Variants in DHTKD1 observed in about 807,000 individuals in gnomAD.
DHTKD1 encodes dehydrogenase E1 and transketolase domain containing 1.
In DHTKD1, 78 loss-of-function variants were observed where a neutral mutation model predicts 101.8. The observed-to-expected ratio is 0.77, with a 90% CI of 0.64 to 0.93. DHTKD1 has a LOEUF of 0.93. Among genes scored for constraint, DHTKD1 ranks in the 40% least tolerant of loss-of-function variants. The probability of loss-of-function intolerance (pLI) is 0.00; values close to 1 mark genes in which losing one functional copy is unlikely to be tolerated. For synonymous variants in DHTKD1, 462 were observed against 450.3 expected (o/e 1.03, Z -0.33); for missense variants, 1,223 against 1,161.7 (o/e 1.05, Z -0.77).
chr10:12,107,951 T>G lies in DHTKD1; in HGVS notation c.2090T>G (p.Leu697Arg), dbSNP rs772351002. Residue 697 changes from leucine to arginine, a missense_variant, in exon 12 of 17, where the codon CTT becomes CGT. Coordinates refer to ENST00000263035, the MANE Select transcript of DHTKD1 (RefSeq NM_018706.7). This position sits in a 1 kb window ranked among gnomAD's most constrained non-coding sequence, Gnocchi z 4.1. ...CTACAAAGCGGCATCGTCATCCTCC[T>G]TCCACATGGCTACGATGGGGCTGGG... The part of the protein sequence containing the change: ...WLLQSGIVIL[L>R]PHGYDGAGPD... 4 of 1,613,892 alleles carry G rather than the reference T, an allele frequency of 2.5e-6. No homozygotes were observed. The Admixed American group carries it at 6.7e-5, about 27-fold the overall frequency.
Position 12,120,269 on chromosome 10 carries a change from T to TAATC in DHTKD1, c.2658+4_2658+7dup. On this transcript the variant is annotated splice_region_variant and intron_variant, in intron 16 of 16. Transcript: ENST00000263035. ...TTTGAAAAGCAGCTGGCCTGCAAGG[T>TAATC]AATCACACGTTTTCTCTGGTAGTGT... The TAATC allele has an allele frequency of 6.2e-7, 1 of 1,612,448 alleles. No individual in the cohort carries two copies. Among genetic ancestry groups the TAATC allele is most frequent in the East Asian group, 2.2e-5 (1 of 44,856 alleles).
Position 12,120,782 on chromosome 10 carries a change from T to TA in DHTKD1, c.2659-4dup. The stretch of plus-strand genomic sequence containing the variant: ...CATTTTATTTCTTCTCTGCTGCACT[T>TA]ATAGCTCCGTCTGGTGGGCCGGCCC... On this transcript the variant is annotated splice_polypyrimidine_tract_variant and splice_region_variant and intron_variant, in intron 16 of 16. Transcript: ENST00000263035. 2 of 1,613,386 alleles carry TA rather than the reference T, an allele frequency of 1.2e-6. No individual in the cohort carries two copies. Among genetic ancestry groups the TA allele is most frequent in the Non-Finnish European group, 1.7e-6 (2 of 1,179,486 alleles).
intron 1 of DHTKD1, among the ~76,000 whole-genome samples, chr10:12,071,366 G>A (rs1832647764): frequency 6.6e-6 from 1 of 152,186 alleles, no homozygotes; most frequent in African/African-American, 2.4e-5. Flanking sequence ...ATGGAAGTTA[G>A]GAATCGTAGC....
intron 6 of DHTKD1, 98 bp downstream of exon 6, chr10:12,091,782 C>G: frequency 1.1e-6 from 1 of 912,804 alleles, no homozygotes; most frequent in Non-Finnish European, 1.6e-6. Flanking sequence ...ACTGGTTATC[C>G]CTCCTTTCAT....
At chr10:12,074,424 C>T (rs1192084637) in intron 1 of DHTKD1, among the ~76,000 whole-genome samples, 2 of 151,642 alleles carry the variant, frequency 1.3e-5, no homozygotes, top group African/African-American at 2.4e-5. Context: ...GGCACGATCT[C>T]TGCTCACTGC....
At chr10:12,076,713 C>T (rs778791668) in intron 1 of DHTKD1, among the ~76,000 whole-genome samples, 7 of 151,608 alleles carry the variant, frequency 4.6e-5, no homozygotes, top group South Asian at 4.2e-4. Context: ...GGCTGGAGCG[C>T]GGTGACGCGA....
chr10:12,119,611 G>C (rs567247835), intron 15 of DHTKD1, among the ~76,000 whole-genome samples: 1 of 92,634 alleles, frequency 1.1e-5, no homozygotes, highest in Non-Finnish European at 2.1e-5. Context: ...GCGAGACTCC[G>C]TCTCAAAAAA....
chr10:12,072,793 A>G (rs1170221147), intron 1 of DHTKD1, among the ~76,000 whole-genome samples: 4 of 151,172 alleles, frequency 2.6e-5, no homozygotes, highest in African/African-American at 4.9e-5. Context: ...CTGGAGTGCA[A>G]TGGCACGATC....
chr10:12,099,352 G>A (rs1016668283), intron 8 of DHTKD1, among the ~76,000 whole-genome samples: 29 of 152,040 alleles, frequency 1.9e-4, no homozygotes, highest in African/African-American at 6.3e-4. Context: ...CTCCGCAGAG[G>A]TAACCACTAA....
chr10:12,112,835 A>T, intron 12 of DHTKD1, 65 bp from the exon 13 acceptor site: 1 of 1,490,262 alleles, frequency 6.7e-7, no homozygotes, highest in South Asian at 1.3e-5. Flanking sequence ...TGGCCAGCCC[A>T]TTGTCACTAC....
At position 12,081,507 on chromosome 10, in the gene DHTKD1, T is replaced by C. The variant is rs1564389131; in HGVS notation, c.190T>C (p.Cys64Arg). The C allele has an allele frequency of 6.2e-7, 1 of 1,614,140 alleles. No individual in the cohort carries two copies. The highest frequency in any genetic ancestry group is 1.7e-5 in the Admixed American group (1 of 59,998). Residue 64 changes from cysteine (C) to arginine (R), a missense_variant, in exon 2 of 17, where the codon TGT becomes CGT. By Grantham distance (180) the Cys-to-Arg change is radical. Transcript: ENST00000263035. Reference sequence around the variant, plus strand: ...CCTTGCCAGGTTGGTGACAGTATATTGTGAGCATGGTCATAAAGCTGCCAA... The same window carrying C: ...CCTTGCCAGGTTGGTGACAGTATATCGTGAGCATGGTCATAAAGCTGCCAA... ...HGLARLVTVY[C>R]EHGHKAAKIN...
Position 12,103,525 on chromosome 10 carries a change from G to GTGTGTGTGTA in DHTKD1, c.1896+2347_1896+2348insGTGTGTATGT, listed in dbSNP as rs1554793234. Among the ~76,000 whole-genome samples the GTGTGTGTGTA allele has an allele frequency of 3.9e-5, 5 of 127,710 alleles. No individual in the cohort carries two copies. Among genetic ancestry groups the GTGTGTGTGTA allele is most frequent in the Admixed American group, 8.2e-5 (1 of 12,262 alleles). 83.8% of individuals were successfully genotyped at this position (127,710 alleles called of 152,430 possible). Reference sequence around the variant, plus strand: ...TGTGTGTGTGTGTGTGTGTGTGTGTGTGTATGTATGTGACAGGTCCTCCTC... The same window carrying GTGTGTGTGTA: ...TGTGTGTGTGTGTGTGTGTGTGTGTGTGTGTGTGTATGTATGTATGTGACAGGTCCTCCTC... On this transcript the variant is annotated intron_variant, in intron 10 of 16. Coordinates refer to ENST00000263035, the MANE Select transcript of DHTKD1 (RefSeq NM_018706.7). This position sits in a 1 kb window ranked among gnomAD's most constrained non-coding sequence, Gnocchi z 4.8.
chr10:12,073,994 T>C (rs1460634150), intron 1 of DHTKD1, among the ~76,000 whole-genome samples: 1 of 152,212 alleles, frequency 6.6e-6, no homozygotes, highest in Non-Finnish European at 1.5e-5. Flanking sequence ...GTGTATCTGC[T>C]GTTGTTTTCT....
chr10:12,105,208 A>G (rs1225161291), intron 10 of DHTKD1, among the ~76,000 whole-genome samples: 1 of 152,096 alleles, frequency 6.6e-6, no homozygotes, highest in Non-Finnish European at 1.5e-5. Context: ...TTTTAATGTT[A>G]ACATATCATG....
In DHTKD1 at chr10:12,120,784, T is replaced by C. The variant is rs367606155; in HGVS notation, c.2659-3T>C. 34 of 1,613,548 alleles carry C rather than the reference T, an allele frequency of 2.1e-5. No individual in the cohort carries two copies. The highest frequency in any genetic ancestry group is 8.9e-5 in the East Asian group (4 of 44,866). Reference sequence around the variant, plus strand: ...TTTTATTTCTTCTCTGCTGCACTTATAGCTCCGTCTGGTGGGCCGGCCCCC... The same window carrying C: ...TTTTATTTCTTCTCTGCTGCACTTACAGCTCCGTCTGGTGGGCCGGCCCCC... On this transcript the variant is annotated splice_polypyrimidine_tract_variant and splice_region_variant and intron_variant, in intron 16 of 16. Coordinates refer to ENST00000263035, the MANE Select transcript of DHTKD1 (RefSeq NM_018706.7).
rs2131620813 is a variant in DHTKD1, at chr10:12,107,833, T to C, written c.2048-76T>C. On this transcript the variant is annotated intron_variant, in intron 11 of 16. Transcript: ENST00000263035. The surrounding 1 kb of genome is among the most constrained non-coding windows in gnomAD (Gnocchi z 4.1). ...GGCCAGGCAGAAAACTAACATTGAT[T>C]TCCCCAGCTGAGTCGTGTCAGGCCA... 1 of 952,260 alleles carries C rather than the reference T, an allele frequency of 1.1e-6. No homozygotes were observed. Among genetic ancestry groups the C allele is most frequent in the East Asian group, 2.5e-5 (1 of 40,634 alleles). 59.0% of individuals were successfully genotyped at this position (952,260 alleles called of 1,614,324 possible). A position where few individuals can be genotyped will look rare whatever the true frequency, so the allele number is the denominator to read the frequency against.
At chr10:12,109,347 AAG>A (rs1266036663) in intron 12 of DHTKD1, among the ~76,000 whole-genome samples, 3 of 151,880 alleles carry the variant, frequency 2.0e-5, no homozygotes, top group Admixed American at 1.3e-4. Flanking sequence ...TTTATTTAAA[AAG>A]AGATTAGAGT....
In DHTKD1 at chr10:12,094,093, A is replaced by G. The variant is rs776977187; in HGVS notation, c.1180A>G (p.Ile394Val). The change falls in exon 7 of 17, where the codon ATC (isoleucine) becomes GTC (valine). Residue 394 changes from isoleucine to valine, a missense_variant. Ile to Val is a conservative substitution (Grantham distance 29). Coordinates refer to ENST00000263035, the MANE Select transcript of DHTKD1 (RefSeq NM_018706.7). The part of the protein sequence containing the change: ...SDIGKLVGCA[I>V]IHVNGDSPEE... ...TTCAGGGAAGCTTGTGGGCTGTGCC[A>G]TCATCCATGTCAATGGAGACAGCCC... The G allele has an allele frequency of 1.2e-6, 2 of 1,614,056 alleles. No individual in the cohort carries two copies. The highest frequency in any genetic ancestry group is 1.1e-5 in the South Asian group (1 of 91,074).
intron 1 of DHTKD1, among the ~76,000 whole-genome samples, chr10:12,079,022 G>A (rs1357056468): frequency 6.6e-6 from 1 of 152,124 alleles, no homozygotes. Context: ...GAGTTGGGGG[G>A]AGATCGCTCA....
Sources: gnomAD v4.1 joint callset for allele counts (sites outside exome capture counted in the v4.1 genomes callset) on GRCh38, gnomAD v4.1.1 for gene constraint, Gnocchi (gnomAD v3.1) non-coding constraint, MANE v1.5 for transcripts, NCBI Gene and HGNC (gene_info 2026-07-23, HGNC 2026-07-21) for gene names.